The following NWD2 variants were observed in gnomAD, a reference collection of about 807,000 sequenced individuals.
NWD2 encodes NACHT and WD repeat domain containing 2, also known as NACHT and WD repeat domain-containing protein 2.
Under a neutral mutation model 132.7 loss-of-function variants are expected in NWD2, and 37 were observed. The observed-to-expected ratio is 0.28, with a 90% CI of 0.21 to 0.37. The LOEUF (loss-of-function observed/expected upper bound fraction) is 0.37, where lower values mean the gene tolerates loss of function less well. Ranked by LOEUF, NWD2 falls within the 10% of genes least tolerant of loss-of-function variation. The probability of loss-of-function intolerance (pLI) is 1.00; values close to 1 mark genes in which losing one functional copy is unlikely to be tolerated. For synonymous variants in NWD2, 705 were observed against 803.0 expected (o/e 0.88, Z 2.06); for missense variants, 1,592 against 2,122.4 (o/e 0.75, Z 4.91).
intron 2 of NWD2, among the ~76,000 whole-genome samples, chr4:37,329,168 TAACTCCC>T (rs1243822784): frequency 6.6e-6 from 1 of 152,134 alleles, no homozygotes; most frequent in Non-Finnish European, 1.5e-5. Context: ...ATTCAATGCA[TAACTCCC>T]GATAATCCAT....
rs1052609499 is a variant in NWD2, at chr4:37,360,046, CA to C, written c.357+3566del. Among the ~76,000 whole-genome samples, 44 of 152,246 alleles carry C rather than the reference CA, an allele frequency of 2.9e-4. 2 individuals carry two copies. Among genetic ancestry groups the C allele is most frequent in the Middle Eastern group, 6.8e-3 (2 of 294 alleles). ...GGAAGAGCCCAGAATTTTCATTTTA[CA>C]ATCAAGCGAGAGCCCTGGTTCTCAG... On this transcript the variant is annotated intron_variant, in intron 3 of 6. Coordinates refer to ENST00000309447, the MANE Select transcript of NWD2 (RefSeq NM_001144990.2).
In NWD2 at chr4:37,445,514, A is replaced by T. The variant is rs1560257985; in HGVS notation, c.3526A>T (p.Ser1176Cys). 6 of 1,551,804 alleles carry T rather than the reference A, an allele frequency of 3.9e-6. No individual in the cohort carries two copies. Among genetic ancestry groups the T allele is most frequent in the Non-Finnish European group, 5.2e-6 (6 of 1,147,068 alleles). ...TGTTTGGAATACTGAGGACATTTCC[A>T]GCCCCCAGCTGACTGATGACTTTGA... ...LSVWNTEDIS[S>C]PQLTDDFDCR... The change falls in exon 7 of 7, where the codon AGC (serine) becomes TGC (cysteine). Residue 1176 changes from serine to cysteine, a missense_variant. Ser to Cys is a moderately radical substitution (Grantham distance 112). Around this residue, in one of 7 missense-constraint regions of NWD2, gnomAD observed 1,071 missense variants for 1,398.0 expected, o/e 0.77. Coordinates refer to ENST00000309447, the MANE Select transcript of NWD2 (RefSeq NM_001144990.2). The surrounding 1 kb of genome is among the most constrained non-coding windows in gnomAD (Gnocchi z 4.7).
chr4:37,246,972 A>G (rs762727405), intron 1 of NWD2, among the ~76,000 whole-genome samples: 1 of 152,210 alleles, frequency 6.6e-6, no homozygotes, highest in Non-Finnish European at 1.5e-5. Context: ...AAGCCTGTCC[A>G]TATGATTCTT....
intron 1 of NWD2, among the ~76,000 whole-genome samples, chr4:37,245,783 G>A (rs529401568): frequency 9.1e-4 from 139 of 152,274 alleles, no homozygotes; most frequent in Non-Finnish European, 1.5e-3. Flanking sequence ...GTGGGTCCCG[G>A]AACAGGCTTC....
At chr4:37,379,747 A>G (rs1720416197) in intron 3 of NWD2, among the ~76,000 whole-genome samples, 1 of 152,206 alleles carries the variant, frequency 6.6e-6, no homozygotes, top group Admixed American at 6.5e-5. Context: ...TAAAAACTGC[A>G]TCAAACTCTG....
Position 37,385,710 on chromosome 4 carries a change from G to A in NWD2, c.357+29228G>A, listed in dbSNP as rs16993507. ...ACCAGGAAAGCATAAGCTACCTCAT[G>A]AGAACAAGGATGAGAAACACAGAAA... On this transcript the variant is annotated intron_variant, in intron 3 of 6. Coordinates refer to ENST00000309447, the MANE Select transcript of NWD2 (RefSeq NM_001144990.2). Among the ~76,000 whole-genome samples the A allele has an allele frequency of 6.1e-3, 934 of 152,296 alleles. 10 individuals carry two copies. Among genetic ancestry groups the A allele is most frequent in the African/African-American group, 0.021 (886 of 41,564 alleles).
intron 2 of NWD2, among the ~76,000 whole-genome samples, chr4:37,341,989 C>CTCAGA (rs1481204845): frequency 1.3e-5 from 2 of 152,124 alleles, no homozygotes; most frequent in East Asian, 3.9e-4. Flanking sequence ...TCAGAGGACA[C>CTCAGA]TCAGATACAG....
At chr4:37,417,063 A>G (rs1025552550) in intron 3 of NWD2, among the ~76,000 whole-genome samples, 1 of 152,236 alleles carries the variant, frequency 6.6e-6, no homozygotes, top group Non-Finnish European at 1.5e-5. Flanking sequence ...CAATGCCAAT[A>G]CCAGAACTTA....
intron 2 of NWD2, among the ~76,000 whole-genome samples, chr4:37,336,238 G>A (rs950970121): frequency 6.6e-6 from 1 of 151,876 alleles, no homozygotes; most frequent in South Asian, 2.1e-4. Flanking sequence ...TCTCTGACAT[G>A]GTTTTTAAAA....
chr4:37,308,489 G>C (rs1333378100), intron 1 of NWD2, among the ~76,000 whole-genome samples: 1 of 152,184 alleles, frequency 6.6e-6, no homozygotes, highest in Non-Finnish European at 1.5e-5. Context: ...TGCTGGTCAG[G>C]GCGGCAGTCA....
chr4:37,437,867 A>G (rs1712362690), intron 5 of NWD2, among the ~76,000 whole-genome samples: 1 of 152,198 alleles, frequency 6.6e-6, no homozygotes, highest in African/African-American at 2.4e-5. Flanking sequence ...GAAGTTATAT[A>G]CTAAGTCACT....
At chr4:37,300,643 A>T in intron 1 of NWD2, among the ~76,000 whole-genome samples, 1 of 152,132 alleles carries the variant, frequency 6.6e-6, no homozygotes, top group Admixed American at 6.6e-5. Flanking sequence ...TTGTTTTGTC[A>T]TAATAAAGCA....
intron 5 of NWD2, among the ~76,000 whole-genome samples, chr4:37,435,289 G>A (rs1005527347): frequency 2.0e-5 from 3 of 152,158 alleles, no homozygotes; most frequent in African/African-American, 7.2e-5. Context: ...CAAAGCATTC[G>A]TGAAAACCTA....
chr4:37,410,275 C>T (rs1721127582), intron 3 of NWD2, among the ~76,000 whole-genome samples: 1 of 152,046 alleles, frequency 6.6e-6, no homozygotes, highest in Non-Finnish European at 1.5e-5. Context: ...CATGCAAAGA[C>T]ACACATAGGC....
intron 1 of NWD2, among the ~76,000 whole-genome samples, chr4:37,254,740 A>G (rs1354648217): frequency 3.3e-5 from 5 of 151,714 alleles, no homozygotes; most frequent in South Asian, 4.2e-4. Context: ...ATAAAAAAAG[A>G]TGAAAAACTG....
intron 3 of NWD2, among the ~76,000 whole-genome samples, chr4:37,405,493 A>AT (rs1720984441): frequency 6.9e-6 from 1 of 145,032 alleles, no homozygotes; most frequent in African/African-American, 2.5e-5. Context: ...ATAGAATAGA[A>AT]AACATCAGGG....
chr4:37,335,296 TGGGCGGGGGGGG>T (rs1437837010), intron 2 of NWD2, among the ~76,000 whole-genome samples: 2 of 2,992 alleles, frequency 6.7e-4, no homozygotes, highest in Non-Finnish European at 1.1e-3. Context: ...GACTGGGGGG[TGGGCGGGGGGGG>T]GGGGCTTAAA....
At chr4:37,345,309 G>A (rs1302127607) in intron 2 of NWD2, among the ~76,000 whole-genome samples, 3 of 152,128 alleles carry the variant, frequency 2.0e-5, no homozygotes, top group Admixed American at 1.3e-4. Flanking sequence ...TGTTTCCAAA[G>A]TGGCTGAGCC....
At chr4:37,248,696 C>T (rs1019421593) in intron 1 of NWD2, among the ~76,000 whole-genome samples, 2 of 152,206 alleles carry the variant, frequency 1.3e-5, no homozygotes, top group Admixed American at 6.5e-5. Flanking sequence ...AAGGAACCTG[C>T]GAGATTCTCT....
Sources: gnomAD v4.1 joint callset for allele counts (sites outside exome capture counted in the v4.1 genomes callset) on GRCh38, gnomAD v4.1.1 for gene constraint, gnomAD v4.1.1 regional missense constraint, Gnocchi (gnomAD v3.1) non-coding constraint, MANE v1.5 for transcripts, NCBI Gene and HGNC (gene_info 2026-07-23, HGNC 2026-07-21) for gene names.